CRTC3: variants seen among roughly 807,000 people sequenced by gnomAD.
The protein encoded by CRTC3 is CREB regulated transcription coactivator 3, also known as CREB-regulated transcription coactivator 3.
CRTC3 carries 26 observed loss-of-function variants against 74.5 expected under a neutral mutation model. The ratio of observed to expected loss-of-function variants is 0.35; its 90% CI spans 0.26 to 0.48. The LOEUF is 0.48. Ranked by LOEUF, CRTC3 falls within the 20% of genes least tolerant of loss-of-function variation. The pLI, the probability that CRTC3 is intolerant of heterozygous loss-of-function variation, is 0.99. For synonymous variants in CRTC3, 377 were observed against 325.8 expected (o/e 1.16, Z -1.69); for missense variants, 760 against 787.3 (o/e 0.97, Z 0.41).
At chr15:90,626,353 T>C in intron 10 of CRTC3, among the ~76,000 whole-genome samples, 1 of 152,234 alleles carries the variant, frequency 6.6e-6, no homozygotes, top group East Asian at 1.9e-4. Flanking sequence ...GCCATCTCTC[T>C]GGATTCCTTT....
Position 90,631,826 on chromosome 15 carries a change from C to T in CRTC3, c.1266+2294C>T, listed in dbSNP as rs1000521440. 3.3e-5 allele frequency among the ~76,000 whole-genome samples: 5 copies of T among 152,104 alleles called. No homozygotes were observed. The East Asian group carries it at 9.6e-4, about 29-fold the overall frequency. On this transcript the variant is annotated intron_variant, in intron 11 of 14. Transcript: ENST00000268184. ...TAAACTCCTGAGCTCAAGTGATCCT[C>T]GCACCTCAGCCTCCCAAAGGGCTGG... is the stretch of plus-strand genomic sequence containing the variant.
chr15:90,609,138 G>A (rs1334597676), intron 6 of CRTC3, among the ~76,000 whole-genome samples: 1 of 152,180 alleles, frequency 6.6e-6, no homozygotes, highest in Non-Finnish European at 1.5e-5. Context: ...TGCTATATTT[G>A]TTCTATTGGT....
rs147903858 is a variant in CRTC3, at chr15:90,556,056, A to G, written c.231+15919A>G. Among the ~76,000 whole-genome samples, 750 of 152,174 alleles carry G rather than the reference A, an allele frequency of 4.9e-3. 6 individuals carry two copies. The highest frequency in any genetic ancestry group is 0.017 in the African/African-American group (705 of 41,524). On this transcript the variant is annotated intron_variant, in intron 2 of 14. Coordinates refer to ENST00000268184, the MANE Select transcript of CRTC3 (RefSeq NM_022769.5). ...TTTTTCATGTATCTTTATACAGGTG[A>G]TATCAGTCTTCATATTTATATTATT...
chr15:90,538,904 G>A (rs1424744828), intron 1 of CRTC3, among the ~76,000 whole-genome samples: 2 of 152,184 alleles, frequency 1.3e-5, no homozygotes, highest in Admixed American at 6.5e-5. Flanking sequence ...TGCTAGCCAC[G>A]TGGCAAGTCA....
intron 11 of CRTC3, chr15:90,634,693 G>C (rs1969168352): frequency 4.6e-6 from 3 of 652,268 alleles, no homozygotes; most frequent in East Asian, 5.5e-5. Flanking sequence ...CTCTACACTA[G>C]AGCGGAGTAT....
chr15:90,537,385 G>A (rs1246291216), intron 1 of CRTC3, among the ~76,000 whole-genome samples: 2 of 152,056 alleles, frequency 1.3e-5, no homozygotes, highest in Non-Finnish European at 2.9e-5. Flanking sequence ...CCGATTCCAG[G>A]TCCAGTGCTT....
intron 2 of CRTC3, among the ~76,000 whole-genome samples, chr15:90,581,205 A>C (rs1033747499): frequency 1.1e-4 from 16 of 152,234 alleles, no homozygotes; most frequent in Non-Finnish European, 1.5e-4. Context: ...GTGGCTTATG[A>C]GTCCAGACAG....
intron 7 of CRTC3, among the ~76,000 whole-genome samples, chr15:90,614,925 G>A (rs4932355): frequency 0.66 from 100,054 of 151,864 alleles, 33,560 homozygotes; most frequent in South Asian, 0.78. Flanking sequence ...TTAGCCGGGC[G>A]TGGTGGCACG....
At chr15:90,641,322 A>G (rs1969433899) in intron 14 of CRTC3, 123 bp downstream of exon 14, 3 of 703,724 alleles carry the variant, frequency 4.3e-6, no homozygotes, top group Non-Finnish European at 7.2e-6. Flanking sequence ...CCCTGGGTCG[A>G]CTTGACTTTT....
chr15:90,613,508 T>C (rs1204742706), intron 6 of CRTC3: 1 of 152,222 alleles, frequency 6.6e-6, no homozygotes, highest in East Asian at 1.9e-4. Flanking sequence ...CCCTGATCTG[T>C]CTTCTCACCT....
At chr15:90,546,970 G>A (rs1380539874) in intron 2 of CRTC3, among the ~76,000 whole-genome samples, 2 of 152,216 alleles carry the variant, frequency 1.3e-5, no homozygotes, top group Non-Finnish European at 2.9e-5. Flanking sequence ...CTATAGATAG[G>A]TTGGGGATAA....
chr15:90,560,407 G>C (rs570444349), intron 2 of CRTC3, among the ~76,000 whole-genome samples: 1 of 152,302 alleles, frequency 6.6e-6, no homozygotes, highest in African/African-American at 2.4e-5. Flanking sequence ...TTTCAAAAGA[G>C]TTCTGGAATT....
chr15:90,562,134 C>A (rs1006685609), intron 2 of CRTC3, among the ~76,000 whole-genome samples: 2 of 152,210 alleles, frequency 1.3e-5, no homozygotes, highest in Non-Finnish European at 1.5e-5. Context: ...TCTCCTGTAA[C>A]CTCTTTGGAG....
In CRTC3 at chr15:90,537,452, C is replaced by T. The variant is rs113352555; in HGVS notation, c.133-2587C>T. Reference sequence around the variant, plus strand: ...AGGCTGGAGTGCAATGGCGCCATCTCGGCTCACGGCAAGCTCCGCCTCCCG... The same window carrying T: ...AGGCTGGAGTGCAATGGCGCCATCTTGGCTCACGGCAAGCTCCGCCTCCCG... On this transcript the variant is annotated intron_variant, in intron 1 of 14. Coordinates refer to ENST00000268184, the MANE Select transcript of CRTC3 (RefSeq NM_022769.5). Among the ~76,000 whole-genome samples the T allele has an allele frequency of 3.2e-3, 483 of 152,188 alleles. 6 individuals are homozygous for T. Among genetic ancestry groups the T allele is most frequent in the African/African-American group, 0.011 (461 of 41,518 alleles).
rs1969552255 is a variant in CRTC3, at chr15:90,644,304, C to T, written c.*2164C>T. On this transcript the variant is annotated 3_prime_UTR_variant, in exon 15 of 15. Transcript: ENST00000268184. ...AGAAACCAGCTCCTGTGTCAAAGGGCTTCCAAACCTGATCTCACTCTCAAC... is the reference window on the plus strand; with the variant it reads ...AGAAACCAGCTCCTGTGTCAAAGGGTTTCCAAACCTGATCTCACTCTCAAC... 4.3e-6 allele frequency: 1 copy of T among 230,020 alleles called. No individual in the cohort carries two copies. Among genetic ancestry groups the T allele is most frequent in the African/African-American group, 2.2e-5 (1 of 45,294 alleles). The allele number at this position is 230,020 out of a possible 1,614,324, so 14.2% of individuals were successfully genotyped here. A position where few individuals can be genotyped will look rare whatever the true frequency, so the allele number is the denominator to read the frequency against.
At chr15:90,638,335 C>T (rs6496717) in intron 11 of CRTC3, 111 bp from the exon 12 acceptor site, 635,480 of 870,018 alleles carry the variant, frequency 0.73, 235,317 homozygotes, top group South Asian at 0.79. Flanking sequence ...CACAGAACAC[C>T]GCGGTGAGGA....
chr15:90,577,059 T>TTTTG (rs1567171558), intron 2 of CRTC3, among the ~76,000 whole-genome samples: 1 of 135,324 alleles, frequency 7.4e-6, no homozygotes, highest in Non-Finnish European at 1.6e-5. Flanking sequence ...GTTTTGTTTT[T>TTTTG]TTGAGATAGA....
Position 90,629,217 on chromosome 15 carries a change from A to C in CRTC3, c.968-17A>C, listed in dbSNP as rs746634098. 5.6e-6 allele frequency: 9 copies of C among 1,599,948 alleles called. No individual in the cohort carries two copies. In the Admixed American group the frequency reaches 1.5e-4, roughly 27 times the overall value. On this transcript the variant is annotated splice_polypyrimidine_tract_variant and intron_variant, in intron 10 of 14. Coordinates refer to ENST00000268184, the MANE Select transcript of CRTC3 (RefSeq NM_022769.5). ...GGTCTGAAATTATAAGTAACTTGTGAATTTGTTGTCTTCCAGGTCTCCAGA... is the reference window on the plus strand; with the variant it reads ...GGTCTGAAATTATAAGTAACTTGTGCATTTGTTGTCTTCCAGGTCTCCAGA...
At chr15:90,586,349 C>G (rs1158905659) in intron 2 of CRTC3, among the ~76,000 whole-genome samples, 2 of 141,666 alleles carry the variant, frequency 1.4e-5, no homozygotes, top group Non-Finnish European at 3.1e-5. Flanking sequence ...TTTTTTAAAA[C>G]TTGGTAGAAC....
Sources: gnomAD v4.1 joint callset for allele counts (sites outside exome capture counted in the v4.1 genomes callset) on GRCh38, gnomAD v4.1.1 for gene constraint, MANE v1.5 for transcripts, NCBI Gene and HGNC (gene_info 2026-07-23, HGNC 2026-07-21) for gene names.